Variants in FRMD4A observed in about 807,000 individuals in gnomAD.
FRMD4A encodes FERM domain containing 4A.
A neutral mutation model predicts 129.1 loss-of-function variants in FRMD4A; 29 were observed. That is an observed-to-expected ratio of 0.22 (90% CI 0.17 to 0.31). The LOEUF is 0.31. Among genes scored for constraint, FRMD4A ranks in the 10% least tolerant of loss-of-function variants. The pLI, the probability that FRMD4A is intolerant of heterozygous loss-of-function variation, is 1.00. For synonymous variants in FRMD4A, 634 were observed against 571.6 expected, an observed-to-expected ratio of 1.11 and a Z score of -1.56; for missense variants, 1,272 against 1,375.8, an observed-to-expected ratio of 0.92 and a Z score of 1.19.
At chr10:13,886,432 C>T (rs545460951) in intron 2 of FRMD4A, among the ~76,000 whole-genome samples, 2 of 152,198 alleles carry the variant, frequency 1.3e-5, no homozygotes, top group East Asian at 1.9e-4. Flanking sequence ...ACCAGGACTC[C>T]GGACTTTAAG....
At chr10:13,782,029 A>T (rs5025431) in intron 6 of FRMD4A, among the ~76,000 whole-genome samples, 4,526 of 152,248 alleles carry the variant, frequency 0.03, 130 homozygotes, top group African/African-American at 0.066. Flanking sequence ...CACAAATCAC[A>T]ACTAAAGAAC....
intron 2 of FRMD4A, among the ~76,000 whole-genome samples, chr10:13,867,713 A>G (rs1230388351): frequency 7.6e-4 from 16 of 21,126 alleles, no homozygotes; most frequent in Non-Finnish European, 1.2e-3. Flanking sequence ...AATAAATAAC[A>G]TATAATATAA....
intron 2 of FRMD4A, among the ~76,000 whole-genome samples, chr10:14,219,634 C>G (rs187145942): frequency 1.3e-5 from 2 of 152,140 alleles, no homozygotes; most frequent in Admixed American, 1.3e-4. Context: ...TGACTGTTCC[C>G]AAGAACTGTT....
intron 2 of FRMD4A, among the ~76,000 whole-genome samples, chr10:14,019,226 A>G (rs1832620360): frequency 6.6e-6 from 1 of 152,216 alleles, no homozygotes; most frequent in African/African-American, 2.4e-5. Flanking sequence ...AAAAAGAAAA[A>G]AAAAGAAAGG....
At chr10:13,862,011 G>C (rs1281474377) in intron 2 of FRMD4A, among the ~76,000 whole-genome samples, 1 of 152,168 alleles carries the variant, frequency 6.6e-6, no homozygotes. Flanking sequence ...CGCTGATTCA[G>C]TTCTCATTGG....
intron 2 of FRMD4A, among the ~76,000 whole-genome samples, chr10:14,139,584 G>A (rs1002950110): frequency 9.9e-5 from 15 of 151,644 alleles, no homozygotes; most frequent in African/African-American, 3.4e-4. Flanking sequence ...CAAGTAGCTG[G>A]GACCACAAGT....
At chr10:13,658,871 G>A (rs1222995269) in intron 21 of FRMD4A, among the ~76,000 whole-genome samples, 2 of 126,942 alleles carry the variant, frequency 1.6e-5, no homozygotes, top group Admixed American at 1.7e-4. Context: ...GACAGAGCAA[G>A]ACTCCATCTC....
chr10:14,254,977 T>G (rs900886234), intron 2 of FRMD4A, among the ~76,000 whole-genome samples: 1 of 152,132 alleles, frequency 6.6e-6, no homozygotes, highest in African/African-American at 2.4e-5. Context: ...TCCAGACTGC[T>G]CAACTTCCTA....
chr10:13,875,922 C>T (rs2094484680), intron 2 of FRMD4A, among the ~76,000 whole-genome samples: 1 of 152,162 alleles, frequency 6.6e-6, no homozygotes, highest in Non-Finnish European at 1.5e-5. Flanking sequence ...ACTTGCTAAT[C>T]TGATGTGTAT....
At chr10:13,841,560 A>G (rs1437789301) in intron 3 of FRMD4A, among the ~76,000 whole-genome samples, 15 of 152,196 alleles carry the variant, frequency 9.9e-5, no homozygotes, top group African/African-American at 3.1e-4. Context: ...TGAAACCCCA[A>G]TAAAAACTCA....
chr10:13,759,762 G>C (rs565179897), intron 8 of FRMD4A, among the ~76,000 whole-genome samples: 1 of 152,106 alleles, frequency 6.6e-6, no homozygotes, highest in Non-Finnish European at 1.5e-5. Flanking sequence ...AATGGTTACT[G>C]GCCACCTACA....
intron 2 of FRMD4A, among the ~76,000 whole-genome samples, chr10:14,150,431 T>C (rs1287714649): frequency 6.6e-6 from 1 of 152,206 alleles, no homozygotes; most frequent in African/African-American, 2.4e-5. Flanking sequence ...GATAATGTTA[T>C]TATTTCATCT....
chr10:13,877,890 G>C (rs2094504611), intron 2 of FRMD4A, among the ~76,000 whole-genome samples: 1 of 152,136 alleles, frequency 6.6e-6, no homozygotes, highest in Non-Finnish European at 1.5e-5. Flanking sequence ...TCCTAGAGCT[G>C]CTCCCCATGT....
chr10:13,814,226 C>G (rs1450976079), intron 3 of FRMD4A, among the ~76,000 whole-genome samples: 1 of 152,012 alleles, frequency 6.6e-6, no homozygotes, highest in Non-Finnish European at 1.5e-5. Flanking sequence ...ATTGTGGGTT[C>G]TTGGGGATTA....
chr10:14,280,904 T>TA (rs984255914), intron 2 of FRMD4A, among the ~76,000 whole-genome samples: 5 of 151,910 alleles, frequency 3.3e-5, no homozygotes, highest in African/African-American at 1.2e-4. Flanking sequence ...AATGTGGCTG[T>TA]ATTTAAAATA....
chr10:14,149,652 G>A (rs1840246022), intron 2 of FRMD4A, among the ~76,000 whole-genome samples: 2 of 152,194 alleles, frequency 1.3e-5, no homozygotes, highest in African/African-American at 2.4e-5. Context: ...TTACAGACAT[G>A]AGCCGCCACA....
At chr10:14,037,223 C>T (rs867859056) in intron 2 of FRMD4A, among the ~76,000 whole-genome samples, 3 of 152,154 alleles carry the variant, frequency 2.0e-5, no homozygotes, top group South Asian at 2.1e-4. Context: ...CTTCACTGTC[C>T]GGATCTGGAA....
chr10:14,185,455 A>G (rs903245336), intron 2 of FRMD4A, among the ~76,000 whole-genome samples: 3 of 152,362 alleles, frequency 2.0e-5, no homozygotes, highest in African/African-American at 4.8e-5. Flanking sequence ...TCGTGGCAGA[A>G]ATTAGTACAA....
At chr10:13,767,475 G>A (rs1256181863) in intron 6 of FRMD4A, among the ~76,000 whole-genome samples, 1 of 152,142 alleles carries the variant, frequency 6.6e-6, no homozygotes, top group Non-Finnish European at 1.5e-5. Flanking sequence ...CTGACCTCAA[G>A]TGATCCACCC....
Sources: allele counts gnomAD v4.1 joint callset (sites outside exome capture counted in the v4.1 genomes callset), GRCh38; gene constraint gnomAD v4.1.1; transcripts MANE v1.5; gene names NCBI Gene and HGNC (gene_info 2026-07-23, HGNC 2026-07-21).